Variants in LDB2 observed in about 807,000 individuals in gnomAD.
The protein encoded by LDB2 is LIM domain binding 2, also known as LIM domain-binding protein 2.
Under a neutral mutation model 44.3 loss-of-function variants are expected in LDB2, and 12 were observed. The ratio of observed to expected loss-of-function variants is 0.27; its 90% CI spans 0.17 to 0.44. The LOEUF (loss-of-function observed/expected upper bound fraction) is 0.44. Ranked by LOEUF, LDB2 falls within the 20% of genes least tolerant of loss-of-function variation. The pLI is 1.00. For synonymous variants in LDB2, 164 were observed against 174.8 expected, an observed-to-expected ratio of 0.94 and a Z score of 0.49; for missense variants, 344 against 473.5, an observed-to-expected ratio of 0.73 and a Z score of 2.54.
chr4:16,519,771 A>C (rs1436618328), intron 5 of LDB2, among the ~76,000 whole-genome samples: 2 of 151,754 alleles, frequency 1.3e-5, no homozygotes, highest in Admixed American at 6.6e-5. Flanking sequence ...AATGGGGATA[A>C]TACTACTTAT....
chr4:16,846,587 A>G (rs907643797), intron 1 of LDB2, among the ~76,000 whole-genome samples: 2 of 152,200 alleles, frequency 1.3e-5, no homozygotes, highest in African/African-American at 4.8e-5. Flanking sequence ...CTAGAGCTAT[A>G]AAAACACTGA....
chr4:16,840,797 T>C (rs1785736425), intron 1 of LDB2, among the ~76,000 whole-genome samples: 1 of 152,196 alleles, frequency 6.6e-6, no homozygotes, highest in South Asian at 2.1e-4. Flanking sequence ...ACTATAGCTC[T>C]CAATATGATA....
At chr4:16,721,049 A>G (rs928040326) in intron 2 of LDB2, among the ~76,000 whole-genome samples, 1 of 151,874 alleles carries the variant, frequency 6.6e-6, no homozygotes, top group African/African-American at 2.4e-5. Flanking sequence ...CAAACCATAA[A>G]CTCCCTTATT....
chr4:16,564,169 T>A (rs977623455), intron 5 of LDB2, among the ~76,000 whole-genome samples: 9 of 152,136 alleles, frequency 5.9e-5, no homozygotes, highest in African/African-American at 2.2e-4. Flanking sequence ...ACCCTCAGTG[T>A]CTCAAATGCC....
intron 3 of LDB2, among the ~76,000 whole-genome samples, chr4:16,593,621 T>C (rs1314362017): frequency 6.6e-6 from 1 of 152,222 alleles, no homozygotes; most frequent in Admixed American, 6.5e-5. Context: ...CATCACGGTA[T>C]GGAAATATTC....
At chr4:16,825,724 G>A (rs1451485331) in intron 1 of LDB2, among the ~76,000 whole-genome samples, 1 of 152,006 alleles carries the variant, frequency 6.6e-6, no homozygotes, top group East Asian at 1.9e-4. Flanking sequence ...TCCAGAGCAC[G>A]GCCTGGGAAT....
At chr4:16,628,198 A>T (rs1284333384) in intron 2 of LDB2, among the ~76,000 whole-genome samples, 1 of 152,232 alleles carries the variant, frequency 6.6e-6, no homozygotes, top group Admixed American at 6.5e-5. Flanking sequence ...CTCTGTGTGA[A>T]TCAGAAATAT....
intron 1 of LDB2, among the ~76,000 whole-genome samples, chr4:16,864,003 A>G (rs989701440): frequency 3.5e-4 from 54 of 152,260 alleles, no homozygotes; most frequent in African/African-American, 1.3e-3. Context: ...AGAGGCTTCA[A>G]AGGAAGCCCA....
chr4:16,622,396 A>G (rs1192672770), intron 2 of LDB2, among the ~76,000 whole-genome samples: 1 of 152,256 alleles, frequency 6.6e-6, no homozygotes, highest in African/African-American at 2.4e-5. Context: ...CAGGATAGAT[A>G]CAAATCACAA....
intron 1 of LDB2, among the ~76,000 whole-genome samples, chr4:16,869,001 T>G (rs1259166413): frequency 1.3e-5 from 2 of 152,082 alleles, no homozygotes; most frequent in South Asian, 4.2e-4. Context: ...TTATTGGTGA[T>G]GATGATGCTG....
At chr4:16,807,370 G>A (rs1230003256) in intron 1 of LDB2, among the ~76,000 whole-genome samples, 3 of 152,100 alleles carry the variant, frequency 2.0e-5, no homozygotes, top group Non-Finnish European at 2.9e-5. Flanking sequence ...GAATAATGCT[G>A]GATGCTAAAA....
chr4:16,766,498 G>A (rs1443483307), intron 1 of LDB2, among the ~76,000 whole-genome samples: 1 of 105,928 alleles, frequency 9.4e-6, no homozygotes, highest in African/African-American at 3.7e-5. Flanking sequence ...GTGTGTGTGT[G>A]TGTGTGTATA....
intron 7 of LDB2, chr4:16,503,179 T>G: frequency 6.5e-7 from 1 of 1,530,570 alleles, no homozygotes; most frequent in Non-Finnish European, 8.8e-7. Context: ...AAATCCATGC[T>G]TTCAACTTGC....
intron 1 of LDB2, among the ~76,000 whole-genome samples, chr4:16,852,155 C>T (rs1261759653): frequency 2.6e-5 from 4 of 152,022 alleles, no homozygotes; most frequent in African/African-American, 4.8e-5. Flanking sequence ...TATGAAGATG[C>T]AATTATCTAA....
chr4:16,660,562 C>T lies in LDB2; in HGVS notation c.236-64687G>A, dbSNP rs148427200. Reference sequence around the variant, plus strand: ...TTCCTTTCTCATTTATTCATTTCTTCAGCATTTACTGTGCGCCTACTACAT... The same window carrying T: ...TTCCTTTCTCATTTATTCATTTCTTTAGCATTTACTGTGCGCCTACTACAT... On this transcript the variant is annotated intron_variant, in intron 2 of 7. Coordinates refer to ENST00000304523, the MANE Select transcript of LDB2 (RefSeq NM_001290.5). Among the ~76,000 whole-genome samples, 36 of 152,236 alleles carry T rather than the reference C, an allele frequency of 2.4e-4. No homozygotes were observed. In the East Asian group the frequency reaches 6.7e-3, roughly 29 times the overall value.
At chr4:16,661,377 G>C (rs936698034) in intron 2 of LDB2, among the ~76,000 whole-genome samples, 2 of 152,176 alleles carry the variant, frequency 1.3e-5, no homozygotes, top group African/African-American at 2.4e-5. Flanking sequence ...CAGAAGTACA[G>C]AGGGCATAGA....
chr4:16,749,573 T>A (rs200987823), intron 2 of LDB2, among the ~76,000 whole-genome samples: 10,328 of 128,284 alleles, frequency 0.081, 453 homozygotes, highest in East Asian at 0.26. Flanking sequence ...AAAAAAAAAA[T>A]AAAAAAATAA....
At position 16,587,704 on chromosome 4, in the gene LDB2, G is replaced by A. The variant is rs571484651; in HGVS notation, c.531+1006C>T. Among the ~76,000 whole-genome samples, 24 of 152,246 alleles carry A rather than the reference G, an allele frequency of 1.6e-4. 2 individuals are homozygous for A. The South Asian group carries it at 4.8e-3, about 30-fold the overall frequency. ...TGCGTGGAGAAATAGCCAGGAGTGG[G>A]ACAGCTGGGAGACAAAGTCAGAACC... is the stretch of plus-strand genomic sequence containing the variant. On this transcript the variant is annotated intron_variant, in intron 4 of 7. Coordinates refer to ENST00000304523, the MANE Select transcript of LDB2 (RefSeq NM_001290.5).
chr4:16,665,254 T>TC (rs1742729615), intron 2 of LDB2, among the ~76,000 whole-genome samples: 1 of 192 alleles, frequency 5.2e-3, no homozygotes, highest in East Asian at 0.25. Context: ...AGATATTCTC[T>TC]TTTTTTTTCA....
Sources: gnomAD v4.1 joint callset for allele counts (sites outside exome capture counted in the v4.1 genomes callset) on GRCh38, gnomAD v4.1.1 for gene constraint, MANE v1.5 for transcripts, NCBI Gene and HGNC (gene_info 2026-07-23, HGNC 2026-07-21) for gene names.